Variants in HPSE2 observed in about 807,000 individuals in gnomAD.
The protein encoded by HPSE2 is inactive heparanase-2.
A neutral mutation model predicts 60.5 loss-of-function variants in HPSE2; 38 were observed. That is an observed-to-expected ratio of 0.63 (90% CI 0.48 to 0.82). The LOEUF (loss-of-function observed/expected upper bound fraction) is 0.82, where lower values mean the gene tolerates loss of function less well. Ranked by LOEUF, HPSE2 falls within the 40% of genes least tolerant of loss-of-function variation. HPSE2 has a pLI of 0.00. For synonymous variants in HPSE2, 295 were observed against 293.2 expected (o/e 1.01, Z -0.06); for missense variants, 713 against 740.4 (o/e 0.96, Z 0.43).
intron 3 of HPSE2, among the ~76,000 whole-genome samples, chr10:98,891,228 C>T (rs918436106): frequency 6.6e-6 from 1 of 152,016 alleles, no homozygotes; most frequent in African/African-American, 2.4e-5. Flanking sequence ...CCAGTAAAAA[C>T]CATTTGAATA....
chr10:98,514,323 T>TA (rs897308046), intron 9 of HPSE2, among the ~76,000 whole-genome samples: 1 of 152,110 alleles, frequency 6.6e-6, no homozygotes, highest in Admixed American at 6.6e-5. Flanking sequence ...TTCAAAGTGA[T>TA]AAAAAAATTT....
intron 6 of HPSE2, among the ~76,000 whole-genome samples, chr10:98,668,659 C>T (rs144049525): frequency 3.3e-5 from 5 of 152,180 alleles, no homozygotes; most frequent in East Asian, 1.9e-4. Context: ...AATGTAGAAA[C>T]GACTTCCTAT....
chr10:99,203,477 A>G (rs1413154153), intron 2 of HPSE2, among the ~76,000 whole-genome samples: 1 of 152,022 alleles, frequency 6.6e-6, no homozygotes, highest in Non-Finnish European at 1.5e-5. Flanking sequence ...GCCAACAGCT[A>G]TGGACACAGG....
intron 7 of HPSE2, among the ~76,000 whole-genome samples, chr10:98,641,086 G>C (rs1162472748): frequency 1.3e-5 from 2 of 151,930 alleles, no homozygotes; most frequent in Admixed American, 1.3e-4. Context: ...GATCTTACTT[G>C]GCTAATTCTA....
intron 6 of HPSE2, among the ~76,000 whole-genome samples, chr10:98,656,837 C>T (rs535818091): frequency 1.1e-3 from 163 of 151,182 alleles, no homozygotes; most frequent in Non-Finnish European, 2.1e-3. Flanking sequence ...TTTTGGCTCA[C>T]TGCAACCTCC....
intron 9 of HPSE2, among the ~76,000 whole-genome samples, chr10:98,583,159 C>T (rs1329991138): frequency 1.3e-5 from 2 of 152,160 alleles, no homozygotes; most frequent in East Asian, 3.9e-4. Flanking sequence ...TAAGAACTTC[C>T]TAGAACTAAA....
intron 3 of HPSE2, among the ~76,000 whole-genome samples, chr10:98,772,037 T>C (rs1391034831): frequency 1.3e-5 from 2 of 152,196 alleles, no homozygotes; most frequent in African/African-American, 4.8e-5. Flanking sequence ...AGTTCAGTGA[T>C]GGCTGTTATC....
At chr10:99,314,202 GC>G in the HPSE2 span, among the ~76,000 whole-genome samples, 1 of 152,140 alleles carries the variant, frequency 6.6e-6, no homozygotes, top group Non-Finnish European at 1.5e-5. Flanking sequence ...TGTCTCTGCA[GC>G]CCAGGCTGGA....
At chr10:99,224,032 A>G (rs1413293970) in intron 2 of HPSE2, among the ~76,000 whole-genome samples, 1 of 152,090 alleles carries the variant, frequency 6.6e-6, no homozygotes, top group East Asian at 1.9e-4. Context: ...CTACTACAAA[A>G]TTTATGTTTA....
chr10:99,099,129 T>C (rs1843836080), intron 3 of HPSE2, among the ~76,000 whole-genome samples: 1 of 152,222 alleles, frequency 6.6e-6, no homozygotes, highest in South Asian at 2.1e-4. Context: ...TCACTGGGGC[T>C]TGTCAGACAG....
At chr10:98,461,408 G>T (rs906346738) in intron 11 of HPSE2, among the ~76,000 whole-genome samples, 2 of 152,088 alleles carry the variant, frequency 1.3e-5, no homozygotes, top group Non-Finnish European at 2.9e-5. Flanking sequence ...TGGGGTGGGA[G>T]AATTGAGATC....
chr10:99,155,702 G>T (rs920144089), intron 2 of HPSE2, among the ~76,000 whole-genome samples: 1 of 150,494 alleles, frequency 6.6e-6, no homozygotes, highest in African/African-American at 2.4e-5. Flanking sequence ...AACTAGAAAC[G>T]CAAGAGCAAA....
intron 3 of HPSE2, among the ~76,000 whole-genome samples, chr10:98,909,660 A>C (rs530815882): frequency 2.1e-4 from 32 of 152,040 alleles, no homozygotes; most frequent in African/African-American, 7.5e-4. Flanking sequence ...TGAAAAAAAA[A>C]GTTTGGTTTT....
chr10:98,772,738 T>TTATGAAAAA (rs1256509370), intron 3 of HPSE2, among the ~76,000 whole-genome samples: 2 of 152,178 alleles, frequency 1.3e-5, no homozygotes, highest in Non-Finnish European at 2.9e-5. Context: ...ACAAGAATGG[T>TTATGAAAAA]TATGAAAAAT....
At chr10:99,254,614 G>A in the HPSE2 span, among the ~76,000 whole-genome samples, 1 of 152,126 alleles carries the variant, frequency 6.6e-6, no homozygotes, top group Non-Finnish European at 1.5e-5. Context: ...ATTTAATCTT[G>A]ACTGAAAATA....
intron 11 of HPSE2, among the ~76,000 whole-genome samples, chr10:98,467,714 C>G (rs1940601433): frequency 6.6e-6 from 1 of 152,264 alleles, no homozygotes; most frequent in Non-Finnish European, 1.5e-5. Flanking sequence ...AAATCCCGCA[C>G]TCCAGTCTCA....
chr10:98,500,449 T>C (rs974646646), intron 9 of HPSE2, among the ~76,000 whole-genome samples: 5 of 152,136 alleles, frequency 3.3e-5, no homozygotes, highest in African/African-American at 1.2e-4. Flanking sequence ...GAAATCAAGA[T>C]AGAAATTAAA....
chr10:98,749,600 C>T (rs533580384), intron 3 of HPSE2, among the ~76,000 whole-genome samples: 69 of 151,310 alleles, frequency 4.6e-4, no homozygotes, highest in African/African-American at 1.6e-3. Context: ...AAAAGCAATA[C>T]ACACTCAGTA....
chr10:99,292,169 G>A, the HPSE2 span, among the ~76,000 whole-genome samples: 5 of 152,194 alleles, frequency 3.3e-5, no homozygotes, highest in African/African-American at 1.2e-4. Flanking sequence ...GAAGAAAGGG[G>A]AGAGGAGCAA....
Sources: allele counts gnomAD v4.1 joint callset (sites outside exome capture counted in the v4.1 genomes callset), GRCh38; gene constraint gnomAD v4.1.1; transcripts MANE v1.5; gene names NCBI Gene and HGNC (gene_info 2026-07-23, HGNC 2026-07-21).